Variants in GULP1 observed in about 807,000 individuals in gnomAD.
GULP1 encodes PTB domain-containing engulfment adapter protein 1.
GULP1 carries 19 observed loss-of-function variants against 40.9 expected under a neutral mutation model. The ratio of observed to expected loss-of-function variants is 0.46; its 90% CI spans 0.32 to 0.68. The LOEUF is 0.68. GULP1 is among the 30% of genes least tolerant of loss of function. GULP1 has a pLI of 0.03. For missense variants in GULP1, 312 were observed against 362.2 expected, an observed-to-expected ratio of 0.86 and a Z score of 1.12; for synonymous variants, 119 against 117.6, an observed-to-expected ratio of 1.01 and a Z score of -0.08.
intron 1 of GULP1, among the ~76,000 whole-genome samples, chr2:188,317,805 T>TA (rs905088595): frequency 2.0e-5 from 3 of 151,852 alleles, no homozygotes; most frequent in African/African-American, 7.3e-5. Flanking sequence ...GGTTTTTTTT[T>TA]TATATTGTGG....
intron 10 of GULP1, among the ~76,000 whole-genome samples, chr2:188,586,896 T>C (rs942606859): frequency 6.6e-6 from 1 of 151,858 alleles, no homozygotes; most frequent in Non-Finnish European, 1.5e-5. Flanking sequence ...TTTAATTTTT[T>C]TATTATACTT....
intron 1 of GULP1, among the ~76,000 whole-genome samples, chr2:188,329,948 A>T (rs539970030): frequency 4.6e-5 from 7 of 152,216 alleles, no homozygotes; most frequent in African/African-American, 1.7e-4. Flanking sequence ...TTTAGGGAGA[A>T]AGATCAGGAA....
In GULP1 at chr2:188,510,007, A is replaced by ATAATC. The variant is rs1218472813; in HGVS notation, c.91-12748_91-12744dup. The stretch of plus-strand genomic sequence containing the variant: ...GGATTAGGACATAGAAATCATAACG[A>ATAATC]TAATCCAGTGTCTCAGAGAAATCCT... On this transcript the variant is annotated intron_variant, in intron 4 of 11. Transcript: ENST00000409830. 3.9e-5 allele frequency among the ~76,000 whole-genome samples: 6 copies of ATAATC among 152,244 alleles called. No homozygotes were observed. The East Asian group carries it at 1.2e-3, about 30-fold the overall frequency.
intron 4 of GULP1, among the ~76,000 whole-genome samples, chr2:188,516,987 C>T (rs570179650): frequency 1.6e-4 from 24 of 151,096 alleles, no homozygotes; most frequent in African/African-American, 5.9e-4. Flanking sequence ...CAGTCACATA[C>T]TCTGACTTCC....
intron 1 of GULP1, among the ~76,000 whole-genome samples, chr2:188,293,541 T>G (rs2034259301): frequency 2.0e-5 from 3 of 152,128 alleles, no homozygotes; most frequent in Admixed American, 2.0e-4. Context: ...GTGGAAAACT[T>G]TCAGAGGAAT....
intron 7 of GULP1, among the ~76,000 whole-genome samples, chr2:188,565,022 CTACTTACGCTACATAAAACTATTTGA>C (rs1375366975): frequency 6.6e-6 from 1 of 151,792 alleles, no homozygotes; most frequent in Non-Finnish European, 1.5e-5. Context: ...AAATTATCTC[CTACTTACGCTACATAAAACTATTTGA>C]GGTGGATCAT....
At chr2:188,583,385 T>C (rs2153459942) in intron 9 of GULP1, among the ~76,000 whole-genome samples, 1 of 152,284 alleles carries the variant, frequency 6.6e-6, no homozygotes, top group African/African-American at 2.4e-5. Context: ...TCTGTCCAAG[T>C]TCTCACAGGA....
intron 1 of GULP1, among the ~76,000 whole-genome samples, chr2:188,307,924 A>T (rs1374906091): frequency 6.6e-6 from 1 of 152,224 alleles, no homozygotes; most frequent in African/African-American, 2.4e-5. Context: ...GAAAATTAGT[A>T]ATAAGAGAAA....
At chr2:188,574,223 G>GA (rs1699716673) in intron 9 of GULP1, among the ~76,000 whole-genome samples, 1 of 151,970 alleles carries the variant, frequency 6.6e-6, no homozygotes, top group Non-Finnish European at 1.5e-5. Context: ...AAAGTAAAGT[G>GA]AAAATAAAAA....
chr2:188,556,297 A>G (rs1372326751), intron 7 of GULP1, among the ~76,000 whole-genome samples: 1 of 152,078 alleles, frequency 6.6e-6, no homozygotes, highest in African/African-American at 2.4e-5. Flanking sequence ...AAGATTTGAG[A>G]TATTTTTTTC....
At chr2:188,389,152 C>T (rs1162364356) in intron 2 of GULP1, among the ~76,000 whole-genome samples, 5 of 152,020 alleles carry the variant, frequency 3.3e-5, no homozygotes, top group South Asian at 2.1e-4. Context: ...AGAGTAAAAG[C>T]GGGTTTTGTT....
At chr2:188,473,156 TC>T (rs60118475) in intron 2 of GULP1, among the ~76,000 whole-genome samples, 16,822 of 141,182 alleles carry the variant, frequency 0.12, 2,179 homozygotes, top group African/African-American at 0.32. Context: ...GGTCTCTCTT[TC>T]TCTCTCTCTC....
At chr2:188,392,115 C>T (rs1036103432) in intron 2 of GULP1, among the ~76,000 whole-genome samples, 11 of 151,998 alleles carry the variant, frequency 7.2e-5, no homozygotes, top group African/African-American at 1.4e-4. Flanking sequence ...CAGGGTGATA[C>T]TGGCTTCATA....
At chr2:188,464,344 T>G (rs994987597) in intron 2 of GULP1, among the ~76,000 whole-genome samples, 27 of 152,164 alleles carry the variant, frequency 1.8e-4, no homozygotes, top group African/African-American at 6.3e-4. Flanking sequence ...TCTCTTCCCT[T>G]ACTTTCTCTC....
chr2:188,578,863 TC>T (rs543756109), intron 9 of GULP1, among the ~76,000 whole-genome samples: 105 of 152,190 alleles, frequency 6.9e-4, no homozygotes, highest in African/African-American at 2.4e-3. Flanking sequence ...GATTTTCTTC[TC>T]AACAATGTAT....
chr2:188,509,397 G>A (rs569709385), intron 4 of GULP1, among the ~76,000 whole-genome samples: 8 of 152,072 alleles, frequency 5.3e-5, no homozygotes, highest in Admixed American at 2.0e-4. Flanking sequence ...TCTGCATACA[G>A]CAATGCTTTG....
chr2:188,394,809 C>T (rs1053835496), intron 2 of GULP1, among the ~76,000 whole-genome samples: 4 of 152,048 alleles, frequency 2.6e-5, no homozygotes, highest in Non-Finnish European at 5.9e-5. Context: ...TGTATGAGTT[C>T]CTTGGTTATA....
chr2:188,311,957 G>A (rs1307291511), intron 1 of GULP1, among the ~76,000 whole-genome samples: 1 of 149,826 alleles, frequency 6.7e-6, no homozygotes, highest in Non-Finnish European at 1.5e-5. Flanking sequence ...AACTCAAACT[G>A]GCTTTTTAAC....
chr2:188,307,907 C>T (rs1451063687), intron 1 of GULP1, among the ~76,000 whole-genome samples: 1 of 152,134 alleles, frequency 6.6e-6, no homozygotes, highest in East Asian at 1.9e-4. Flanking sequence ...TTGATAACAT[C>T]TAAACAGAAA....
Sources: gnomAD v4.1 joint callset for allele counts (sites outside exome capture counted in the v4.1 genomes callset) on GRCh38, gnomAD v4.1.1 for gene constraint, MANE v1.5 for transcripts, NCBI Gene and HGNC (gene_info 2026-07-23, HGNC 2026-07-21) for gene names.